Variants in MSRB3 observed in about 807,000 individuals in gnomAD.
MSRB3 encodes methionine-R-sulfoxide reductase B3.
Under a neutral mutation model 21.0 loss-of-function variants are expected in MSRB3, and 13 were observed. The ratio of observed to expected loss-of-function variants is 0.62; its 90% CI spans 0.40 to 0.98. MSRB3 has a LOEUF of 0.98. Ranked by LOEUF, MSRB3 falls within the 50% of genes least tolerant of loss-of-function variation. The pLI, the probability that MSRB3 is intolerant of heterozygous loss-of-function variation, is 0.00. For missense variants in MSRB3, 199 were observed against 230.3 expected (o/e 0.86, Z 0.88); for synonymous variants, 87 against 88.6 (o/e 0.98, Z 0.10).
At chr12:65,437,798 GAC>G (rs1379444737) in intron 5 of MSRB3, among the ~76,000 whole-genome samples, 1 of 151,944 alleles carries the variant, frequency 6.6e-6, no homozygotes, top group African/African-American at 2.4e-5. Context: ...ATTTCAGTTG[GAC>G]AGATGCTCCA....
At chr12:65,324,869 C>T (rs2136447798) in intron 2 of MSRB3, among the ~76,000 whole-genome samples, 2 of 152,260 alleles carry the variant, frequency 1.3e-5, no homozygotes, top group East Asian at 3.9e-4. Flanking sequence ...GTTCTCTCAA[C>T]TTTGGGAACA....
chr12:65,376,264 C>T (rs1878614396), intron 5 of MSRB3, among the ~76,000 whole-genome samples: 1 of 151,980 alleles, frequency 6.6e-6, no homozygotes, highest in South Asian at 2.1e-4. Context: ...GGACTACAGG[C>T]GCCCACCACT....
chr12:65,422,387 A>AATATATATATATATATATAT (rs1565884963), intron 5 of MSRB3, among the ~76,000 whole-genome samples: 1 of 88,134 alleles, frequency 1.1e-5, no homozygotes, highest in Non-Finnish European at 2.2e-5. Flanking sequence ...GGGAGTACAT[A>AATATATATATATATATATAT]GTATATATAT....
intron 4 of MSRB3, among the ~76,000 whole-genome samples, chr12:65,366,679 G>A (rs1878032764): frequency 6.6e-6 from 1 of 152,146 alleles, no homozygotes; most frequent in African/African-American, 2.4e-5. Flanking sequence ...CATCATTTTT[G>A]ATGAGTGCCA....
intron 1 of MSRB3, among the ~76,000 whole-genome samples, chr12:65,287,045 A>T (rs1872398635): frequency 8.1e-6 from 1 of 122,726 alleles, no homozygotes; most frequent in African/African-American, 3.0e-5. Context: ...AAAAAAAAAA[A>T]GCAAAACCAA....
chr12:65,318,226 G>T (rs1874427629), intron 2 of MSRB3, among the ~76,000 whole-genome samples: 1 of 152,032 alleles, frequency 6.6e-6, no homozygotes, highest in Non-Finnish European at 1.5e-5. Flanking sequence ...AATTTGATTT[G>T]GGTGGTAATG....
At chr12:65,281,030 C>T (rs970348126) in intron 1 of MSRB3, among the ~76,000 whole-genome samples, 10 of 151,886 alleles carry the variant, frequency 6.6e-5, no homozygotes, top group Admixed American at 1.3e-4. Context: ...AGTTCGAGAC[C>T]GGCCTGGTCA....
chr12:65,302,828 AT>A (rs1873416185), intron 1 of MSRB3, among the ~76,000 whole-genome samples: 2 of 151,972 alleles, frequency 1.3e-5, no homozygotes, highest in Non-Finnish European at 2.9e-5. Flanking sequence ...AGACACTTAG[AT>A]TAGTGGTTCT....
chr12:65,317,890 G>C (rs1293070703), intron 2 of MSRB3, among the ~76,000 whole-genome samples: 1 of 152,138 alleles, frequency 6.6e-6, no homozygotes, highest in Non-Finnish European at 1.5e-5. Flanking sequence ...AATAATTAAA[G>C]TGGAGAATTG....
chr12:65,398,937 G>C (rs1035571715), intron 5 of MSRB3, among the ~76,000 whole-genome samples: 1 of 152,002 alleles, frequency 6.6e-6, no homozygotes, highest in Non-Finnish European at 1.5e-5. Flanking sequence ...CGTTATTTCT[G>C]AGGCCTCTGT....
intron 4 of MSRB3, among the ~76,000 whole-genome samples, chr12:65,336,569 A>G (rs1218398362): frequency 6.6e-6 from 1 of 152,224 alleles, no homozygotes; most frequent in African/African-American, 2.4e-5. Context: ...TTCACAGTGA[A>G]TTAGAATGGA....
chr12:65,454,330 T>A (rs1882996181), intron 6 of MSRB3: 3 of 140,296 alleles, frequency 2.1e-5, no homozygotes, highest in Admixed American at 2.1e-4. Context: ...AATAAATAAA[T>A]AAAATGTCAG....
intron 5 of MSRB3, among the ~76,000 whole-genome samples, chr12:65,398,555 G>A (rs982714559): frequency 2.0e-5 from 3 of 152,074 alleles, no homozygotes; most frequent in African/African-American, 7.2e-5. Context: ...CATTCTGTAG[G>A]TTGCCTGTTC....
At chr12:65,338,524 G>T (rs1312010482) in intron 4 of MSRB3, among the ~76,000 whole-genome samples, 2 of 152,094 alleles carry the variant, frequency 1.3e-5, no homozygotes, top group African/African-American at 2.4e-5. Context: ...GACGTCTATG[G>T]CTAGGACCTT....
At chr12:65,402,474 T>C (rs1880184314) in intron 5 of MSRB3, among the ~76,000 whole-genome samples, 1 of 152,230 alleles carries the variant, frequency 6.6e-6, no homozygotes, top group Non-Finnish European at 1.5e-5. Context: ...GGGTCACTTA[T>C]GTTCTTCTCT....
chr12:65,455,670 T>A (rs959986661), intron 6 of MSRB3, among the ~76,000 whole-genome samples: 3 of 152,156 alleles, frequency 2.0e-5, no homozygotes, highest in Non-Finnish European at 2.9e-5. Flanking sequence ...ATAGACAGGT[T>A]GAAAAGAGTC....
At chr12:65,462,800 G>A (rs148938634) in intron 6 of MSRB3, among the ~76,000 whole-genome samples, 125 of 152,284 alleles carry the variant, frequency 8.2e-4, no homozygotes, top group East Asian at 6.4e-3. Flanking sequence ...AAGTAATGCC[G>A]GGGGAAAGAT....
intron 5 of MSRB3, among the ~76,000 whole-genome samples, chr12:65,401,770 G>C (rs1880139701): frequency 6.6e-6 from 1 of 152,098 alleles, no homozygotes; most frequent in African/African-American, 2.4e-5. Flanking sequence ...TCCATATTTA[G>C]TACTTCCTTC....
chr12:65,388,245 A>G (rs970747254), intron 5 of MSRB3, among the ~76,000 whole-genome samples: 7 of 152,340 alleles, frequency 4.6e-5, no homozygotes, highest in Admixed American at 4.6e-4. Flanking sequence ...CCAGAAAATG[A>G]CGTTGTGTTT....
Sources: allele counts gnomAD v4.1 joint callset (sites outside exome capture counted in the v4.1 genomes callset), GRCh38; gene constraint gnomAD v4.1.1; transcripts MANE v1.5; gene names NCBI Gene and HGNC (gene_info 2026-07-23, HGNC 2026-07-21).